Variants in SH3TC2 observed in about 807,000 individuals in gnomAD.
SH3TC2 encodes SH3 domain and tetratricopeptide repeats 2.
Under a neutral mutation model 124.5 loss-of-function variants are expected in SH3TC2, and 87 were observed. The observed-to-expected ratio is 0.70, with a 90% CI of 0.59 to 0.84. The LOEUF is 0.84. SH3TC2 is among the 40% of genes least tolerant of loss of function. The probability of loss-of-function intolerance (pLI) is 0.00; values close to 1 mark genes in which losing one functional copy is unlikely to be tolerated. For synonymous variants in SH3TC2, 634 were observed against 628.5 expected (o/e 1.01, Z -0.13); for missense variants, 1,536 against 1,566.4 (o/e 0.98, Z 0.33).
chr5:149,040,781 TTC>T, intron 6 of SH3TC2, 104 bp from the exon 7 acceptor site: 1 of 1,013,900 alleles, frequency 9.9e-7, no homozygotes, highest in Non-Finnish European at 1.5e-6. Flanking sequence ...GTATTGTTTT[TTC>T]TCTTATTTAA....
At chr5:149,053,775 G>A (rs1186947927) in intron 1 of SH3TC2, among the ~76,000 whole-genome samples, 1 of 152,040 alleles carries the variant, frequency 6.6e-6, no homozygotes, top group Non-Finnish European at 1.5e-5. Context: ...AACCCCAGCT[G>A]CCTATTTGAA....
intron 6 of SH3TC2, among the ~76,000 whole-genome samples, chr5:149,040,896 C>G (rs1754358245): frequency 6.6e-6 from 1 of 152,190 alleles, no homozygotes; most frequent in Non-Finnish European, 1.5e-5. Context: ...AGTAGTTTGT[C>G]AGTTAAATAA....
chr5:149,044,866 G>T (rs746256211), intron 3 of SH3TC2: 1 of 486,392 alleles, frequency 2.1e-6, no homozygotes, highest in Non-Finnish European at 3.7e-6. Context: ...AAAGAAGAAA[G>T]AAGCTCTTTG....
intron 7 of SH3TC2, 54 bp downstream of exon 7, chr5:149,040,550 G>A: frequency 5.3e-6 from 8 of 1,501,478 alleles, no homozygotes; most frequent in Non-Finnish European, 7.4e-6. Flanking sequence ...ATAAAATTGA[G>A]AGGCAGGACA....
chr5:149,049,152 A>G (rs548098185), intron 2 of SH3TC2, among the ~76,000 whole-genome samples: 169 of 152,268 alleles, frequency 1.1e-3, no homozygotes, highest in Non-Finnish European at 2.2e-3. Context: ...TTCCCATATA[A>G]CCTGACTTTG....
rs1753736390 is a variant in SH3TC2 at position 149,008,905 on chromosome 5, A to T, written c.3424T>A (p.Tyr1142Asn). The T allele has an allele frequency of 6.2e-7, 1 of 1,614,114 alleles. No individual in the cohort carries two copies. The highest frequency in any genetic ancestry group is 1.3e-5 in the African/African-American group (1 of 74,924). Residue 1142 changes from tyrosine (Y) to asparagine (N), a missense_variant, in exon 15 of 17, where the codon TAT becomes AAT. Transcript: ENST00000515425. The part of the protein sequence containing the change: ...LTELQISLEG[Y>N]EKALEFATLA... The stretch of plus-strand genomic sequence containing the variant: ...GTGGCAAATTCCAAAGCCTTCTCAT[A>T]GCCTTCGAGGCTAATCTGCAGCTCT...
Position 148,998,362 on chromosome 5 carries a change from C to T in SH3TC2, c.*6349G>A, listed in dbSNP as rs1285984290. Reference sequence around the variant, plus strand: ...ACTATTTAGGAAGACATCACTGCCCCCTACTGGAACTCTTGGATTTCTCAC... The same window carrying T: ...ACTATTTAGGAAGACATCACTGCCCTCTACTGGAACTCTTGGATTTCTCAC... On this transcript the variant is annotated 3_prime_UTR_variant, in exon 17 of 17. Coordinates refer to ENST00000515425, the MANE Select transcript of SH3TC2 (RefSeq NM_024577.4). Among the ~76,000 whole-genome samples the T allele has an allele frequency of 6.6e-6, 1 of 152,168 alleles. No individual in the cohort carries two copies. Among genetic ancestry groups the T allele is most frequent in the East Asian group, 1.9e-4 (1 of 5,198 alleles).
chr5:148,997,517 A>C lies in SH3TC2; in HGVS notation c.*7194T>G, dbSNP rs565182872. ...CCTCCTGGAAAGTCAGTTCTCTCCAATCCTGTTCTAAAGTAACCAATTTTG... is the reference window on the plus strand; with the variant it reads ...CCTCCTGGAAAGTCAGTTCTCTCCACTCCTGTTCTAAAGTAACCAATTTTG... On this transcript the variant is annotated 3_prime_UTR_variant, in exon 17 of 17. Transcript: ENST00000515425. 3.9e-5 allele frequency among the ~76,000 whole-genome samples: 6 copies of C among 152,302 alleles called. No individual in the cohort carries two copies. The highest frequency in any genetic ancestry group is 1.4e-4 in the African/African-American group (6 of 41,564).
At chr5:149,050,949 C>T (rs969639978) in intron 2 of SH3TC2, among the ~76,000 whole-genome samples, 4 of 152,162 alleles carry the variant, frequency 2.6e-5, no homozygotes, top group African/African-American at 7.2e-5. Flanking sequence ...TCGTTTCCCT[C>T]GCTGACATTC....
chr5:149,023,560 T>C (rs1174643628), intron 12 of SH3TC2, among the ~76,000 whole-genome samples: 2 of 148,464 alleles, frequency 1.3e-5, no homozygotes, highest in African/African-American at 5.0e-5. Flanking sequence ...TTTTCACCTA[T>C]AACCTTCAAT....
rs1174084933 is a variant in SH3TC2, at chr5:148,997,108, T to A, written c.*7603A>T. 6.6e-6 allele frequency among the ~76,000 whole-genome samples: 1 copy of A among 152,224 alleles called. No homozygotes were observed. Among genetic ancestry groups the A allele is most frequent in the Non-Finnish European group, 1.5e-5 (1 of 68,032 alleles). ...ATTTGGATGAGAAGGATGTTCCTAATAGCTTTTTCCATGATGTCAAAAGTA... is the reference window on the plus strand; with the variant it reads ...ATTTGGATGAGAAGGATGTTCCTAAAAGCTTTTTCCATGATGTCAAAAGTA... On this transcript the variant is annotated 3_prime_UTR_variant, in exon 17 of 17. Transcript: ENST00000515425.
rs896551548 is a variant in SH3TC2, at chr5:148,984,177, G to A, written c.*20534C>T. On this transcript the variant is annotated 3_prime_UTR_variant, in exon 17 of 17. Transcript: ENST00000515425. The stretch of plus-strand genomic sequence containing the variant: ...CTGAAATTGCATTATGTAAATATTA[G>A]TTCTCTTGATGGTTTCCCATAGATC... Among the ~76,000 whole-genome samples the A allele has an allele frequency of 1.3e-5, 2 of 151,896 alleles. No individual in the cohort carries two copies. Among genetic ancestry groups the A allele is most frequent in the African/African-American group, 2.4e-5 (1 of 41,336 alleles).
chr5:149,044,870 C>T (rs998142982), intron 3 of SH3TC2: 6 of 480,072 alleles, frequency 1.2e-5, no homozygotes, highest in East Asian at 4.0e-5. Context: ...AAGAAAGAAG[C>T]TCTTTGTGTA....
intron 14 of SH3TC2, among the ~76,000 whole-genome samples, chr5:149,009,956 A>C (rs1753756555): frequency 6.6e-6 from 1 of 152,218 alleles, no homozygotes; most frequent in South Asian, 2.1e-4. Context: ...GGTAAACTCA[A>C]AAGTGTGCTG....
At chr5:149,061,379 T>C (rs1451528417) in intron 1 of SH3TC2, among the ~76,000 whole-genome samples, 1 of 152,144 alleles carries the variant, frequency 6.6e-6, no homozygotes, top group Non-Finnish European at 1.5e-5. Context: ...CACAGCAGTT[T>C]ACAACCCTAA....
chr5:149,040,771 G>A, intron 6 of SH3TC2, 94 bp from the exon 7 acceptor site: 1 of 1,086,162 alleles, frequency 9.2e-7, no homozygotes, highest in South Asian at 1.3e-5. Context: ...ATGATGATGA[G>A]TATTGTTTTT....
Position 149,038,287 on chromosome 5 carries a change from A to G in SH3TC2, c.1001+8T>C, listed in dbSNP as rs770604585. 3 of 1,613,510 alleles carry G rather than the reference A, an allele frequency of 1.9e-6. No homozygotes were observed. Among genetic ancestry groups the G allele is most frequent in the Admixed American group, 1.7e-5 (1 of 60,024 alleles). ...CAGCTCCAGGACATGCTCACTGTCA[A>G]TACTCACATTGGGGAATAAGAATCA... On this transcript the variant is annotated splice_region_variant and intron_variant, in intron 8 of 16. Transcript: ENST00000515425.
At position 149,028,434 on chromosome 5, in the gene SH3TC2, G is replaced by A. The variant is rs200967041; in HGVS notation, c.1298C>T (p.Ser433Leu). 1,050 of 1,613,416 alleles carry A rather than the reference G, an allele frequency of 6.5e-4. 1 individual carries two copies. Among genetic ancestry groups the A allele is most frequent in the Admixed American group, 1.5e-3 (87 of 59,988 alleles). The change falls in exon 11 of 17, where the codon TCG (serine) becomes TTG (leucine). Residue 433 changes from serine to leucine, a missense_variant. By Grantham distance (145) the Ser-to-Leu change is moderately radical. This residue lies in a region of SH3TC2 where 1,102 missense variants were observed against 1,098.6 expected (regional missense o/e 1.00). Coordinates refer to ENST00000515425, the MANE Select transcript of SH3TC2 (RefSeq NM_024577.4). ...CAGGCGATAGCTGTCTGAGGTGGCCGAGAGGAGCTCCTCCTCCAGGCTGGA... is the reference window on the plus strand; with the variant it reads ...CAGGCGATAGCTGTCTGAGGTGGCCAAGAGGAGCTCCTCCTCCAGGCTGGA... ...EDSSLEEELL[S>L]ATSDSYRLPE...
intron 12 of SH3TC2, among the ~76,000 whole-genome samples, chr5:149,019,386 T>C (rs1471611798): frequency 6.6e-6 from 1 of 152,206 alleles, no homozygotes; most frequent in East Asian, 1.9e-4. Context: ...CTGGTCATTC[T>C]GCAAAGGGAC....
Sources: gnomAD v4.1 joint callset for allele counts (sites outside exome capture counted in the v4.1 genomes callset) on GRCh38, gnomAD v4.1.1 for gene constraint, gnomAD v4.1.1 regional missense constraint, MANE v1.5 for transcripts, NCBI Gene and HGNC (gene_info 2026-07-23, HGNC 2026-07-21) for gene names.